The following KCNB2 variants were observed in gnomAD, a reference collection of about 807,000 sequenced individuals.
KCNB2 encodes the protein potassium voltage-gated channel subfamily B member 2.
KCNB2 carries 15 observed loss-of-function variants against 61.5 expected under a neutral mutation model. The ratio of observed to expected loss-of-function variants is 0.24; its 90% confidence interval spans 0.16 to 0.38. The LOEUF (loss-of-function observed/expected upper bound fraction) is 0.38. KCNB2 is among the 10% of genes least tolerant of loss of function. The pLI, the probability that KCNB2 is intolerant of heterozygous loss-of-function variation, is 1.00. For synonymous variants in KCNB2, 457 were observed against 446.0 expected (o/e 1.02, Z -0.31); for missense variants, 828 against 1,125.2 (o/e 0.74, Z 3.78).
At chr8:72,545,491 C>A (rs1806245793) in intron 1 of KCNB2, among the ~76,000 whole-genome samples, 1 of 152,136 alleles carries the variant, frequency 6.6e-6, no homozygotes, top group Non-Finnish European at 1.5e-5. Flanking sequence ...ATTTGGGGCA[C>A]CACGAGTTGT....
chr8:72,779,492 T>A (rs1299739350), intron 2 of KCNB2, among the ~76,000 whole-genome samples: 1 of 152,208 alleles, frequency 6.6e-6, no homozygotes, highest in Non-Finnish European at 1.5e-5. Flanking sequence ...CCCAGCCAGC[T>A]GAAAACTACT....
chr8:72,855,518 G>A (rs995585462), intron 2 of KCNB2, among the ~76,000 whole-genome samples: 2 of 152,070 alleles, frequency 1.3e-5, no homozygotes, highest in African/African-American at 4.8e-5. Context: ...GTCCTCTGCT[G>A]TGACCCAGTA....
chr8:72,735,508 A>T (rs1178290915), intron 2 of KCNB2, among the ~76,000 whole-genome samples: 1 of 152,202 alleles, frequency 6.6e-6, no homozygotes. Flanking sequence ...TATTGTCTAG[A>T]TCAGTGATTC....
chr8:72,873,812 G>A (rs1210193113), intron 2 of KCNB2, among the ~76,000 whole-genome samples: 1 of 152,180 alleles, frequency 6.6e-6, no homozygotes, highest in African/African-American at 2.4e-5. Flanking sequence ...GCTATAAGTC[G>A]CCTTGCAGTT....
At chr8:72,681,784 C>T (rs1013721457) in intron 2 of KCNB2, among the ~76,000 whole-genome samples, 3 of 152,172 alleles carry the variant, frequency 2.0e-5, no homozygotes, top group African/African-American at 7.2e-5. Flanking sequence ...TATGCTAGGA[C>T]ATTGTAACTG....
At chr8:72,598,713 G>A (rs974969744) in intron 2 of KCNB2, among the ~76,000 whole-genome samples, 1 of 152,176 alleles carries the variant, frequency 6.6e-6, no homozygotes, top group Non-Finnish European at 1.5e-5. Context: ...CAGCATCTCA[G>A]CCCAAAATCT....
At chr8:72,638,463 T>A (rs925292368) in intron 2 of KCNB2, among the ~76,000 whole-genome samples, 4 of 152,200 alleles carry the variant, frequency 2.6e-5, no homozygotes, top group African/African-American at 9.6e-5. Flanking sequence ...TAAAAATAAC[T>A]ACATGATGAT....
chr8:72,649,353 G>C (rs2128986291), intron 2 of KCNB2, among the ~76,000 whole-genome samples: 1 of 152,228 alleles, frequency 6.6e-6, no homozygotes, highest in African/African-American at 2.4e-5. Context: ...ATTTGCAAAG[G>C]TGAGATTGGA....
At chr8:72,724,924 G>A (rs916095883) in intron 2 of KCNB2, among the ~76,000 whole-genome samples, 15 of 152,140 alleles carry the variant, frequency 9.9e-5, no homozygotes, top group African/African-American at 3.4e-4. Flanking sequence ...CAGAGAAATG[G>A]TTTAGTTTTG....
chr8:72,829,004 G>A (rs531658933), intron 2 of KCNB2, among the ~76,000 whole-genome samples: 2 of 152,274 alleles, frequency 1.3e-5, no homozygotes, highest in South Asian at 4.2e-4. Context: ...CCCTAACTTG[G>A]AGGTGCTTTT....
chr8:72,768,846 A>T (rs1808512764), intron 2 of KCNB2, among the ~76,000 whole-genome samples: 1 of 151,928 alleles, frequency 6.6e-6, no homozygotes, highest in Non-Finnish European at 1.5e-5. Context: ...TTGTCTTGGC[A>T]CCCTCCTCAT....
chr8:72,652,400 G>A (rs1472556924), intron 2 of KCNB2, among the ~76,000 whole-genome samples: 1 of 151,886 alleles, frequency 6.6e-6, no homozygotes, highest in African/African-American at 2.4e-5. Context: ...TATCTACCTG[G>A]CCTATATCCT....
At chr8:72,696,617 T>A (rs1413515183) in intron 2 of KCNB2, among the ~76,000 whole-genome samples, 1 of 152,078 alleles carries the variant, frequency 6.6e-6, no homozygotes, top group Non-Finnish European at 1.5e-5. Flanking sequence ...AACCCGTGGA[T>A]GGAGAGAGCA....
At chr8:72,805,834 C>T (rs1381090205) in intron 2 of KCNB2, among the ~76,000 whole-genome samples, 2 of 152,086 alleles carry the variant, frequency 1.3e-5, no homozygotes, top group Admixed American at 6.5e-5. Context: ...AACCTTTGTG[C>T]AAAAAGAGAC....
chr8:72,622,430 C>T (rs960495941), intron 2 of KCNB2, among the ~76,000 whole-genome samples: 1 of 152,308 alleles, frequency 6.6e-6, no homozygotes, highest in Non-Finnish European at 1.5e-5. Context: ...AATCTGCCAT[C>T]ATAGAGAACA....
intron 2 of KCNB2, among the ~76,000 whole-genome samples, chr8:72,925,637 G>A (rs959617657): frequency 6.6e-6 from 1 of 152,206 alleles, no homozygotes; most frequent in African/African-American, 2.4e-5. Flanking sequence ...TGCTTTCACA[G>A]TTGGTGGGCA....
At chr8:72,872,317 A>G (rs1254986224) in intron 2 of KCNB2, among the ~76,000 whole-genome samples, 1 of 152,238 alleles carries the variant, frequency 6.6e-6, no homozygotes, top group Non-Finnish European at 1.5e-5. Flanking sequence ...TTTCTCAGGC[A>G]AATAGCTCTG....
At position 72,936,737 on chromosome 8, in the gene KCNB2, G is replaced by C; in HGVS notation, c.1382G>C (p.Ser461Thr). The change falls in exon 3 of 3, where the codon AGT (serine) becomes ACT (threonine). Residue 461 changes from serine (S) to threonine (T), a missense_variant. By Grantham distance (58) the Ser-to-Thr change is moderately conservative. This residue lies in a region of KCNB2 where 559 missense variants were observed against 588.4 expected (regional missense o/e 0.95). Transcript: ENST00000523207. This position sits in a 1 kb window ranked among gnomAD's most constrained non-coding sequence, Gnocchi z 5.6. ...SMNLKDAFAR[S>T]MELIDVAVEK... is the part of the protein sequence containing the mutation. ...AACTTAAAAGATGCCTTCGCTCGAA[G>C]TATGGAACTGATAGATGTGGCTGTT... 6.2e-7 allele frequency: 1 copy of C among 1,614,226 alleles called. No individual in the cohort carries two copies. The highest frequency in any genetic ancestry group is 8.5e-7 in the Non-Finnish European group (1 of 1,180,032).
In KCNB2 at chr8:72,937,092, G is replaced by A. The variant is rs772942106; in HGVS notation, c.1737G>A (p.Val579=). Residue 579 remains valine, a synonymous_variant, in exon 3 of 3, where the codon GTG becomes GTA. Transcript: ENST00000523207. ...AAGAAGAGATTGAAATGGAAGAAGT[G>A]GTGTGTCCACAGGAGCAGCTGGCCG... is the stretch of plus-strand genomic sequence containing the variant. ...AYEEEIEMEE[V]VCPQEQLAVA... 6.2e-7 allele frequency: 1 copy of A among 1,614,106 alleles called. No homozygotes were observed. Among genetic ancestry groups the A allele is most frequent in the Admixed American group, 1.7e-5 (1 of 60,024 alleles).
Sources: allele counts gnomAD v4.1 joint callset (sites outside exome capture counted in the v4.1 genomes callset), GRCh38; gene constraint gnomAD v4.1.1; regional missense constraint gnomAD v4.1.1; non-coding constraint Gnocchi (gnomAD v3.1); transcripts MANE v1.5; gene names NCBI Gene and HGNC (gene_info 2026-07-23, HGNC 2026-07-21).